DTNA: variants seen among roughly 807,000 people sequenced by gnomAD.
The protein encoded by DTNA is dystrobrevin alpha, also known as dystrophin-related protein 3.
DTNA carries 43 observed loss-of-function variants against 100.7 expected under a neutral mutation model. The ratio of observed to expected loss-of-function variants is 0.43; its 90% CI spans 0.33 to 0.55. DTNA has a LOEUF of 0.55. Among genes scored for constraint, DTNA ranks in the 20% least tolerant of loss-of-function variants. The probability of loss-of-function intolerance (pLI) is 0.04; values close to 1 mark genes in which losing one functional copy is unlikely to be tolerated. For missense variants in DTNA, 798 were observed against 953.9 expected (o/e 0.84, Z 2.15); for synonymous variants, 349 against 347.9 (o/e 1.00, Z -0.04).
chr18:34,890,572 T>C lies in DTNA; in HGVS notation c.*2838T>C. The C allele has an allele frequency of 7.2e-7, 1 of 1,383,836 alleles. No homozygotes were observed. Among genetic ancestry groups the C allele is most frequent in the Non-Finnish European group, 9.7e-7 (1 of 1,030,168 alleles). The allele number at this position is 1,383,836 out of a possible 1,614,324, so 85.7% of individuals were successfully genotyped here. A position where few individuals can be genotyped will look rare whatever the true frequency, so the allele number is the denominator to read the frequency against. The stretch of plus-strand genomic sequence containing the variant: ...GAGCTGATAGCCTGTTAATAAGCAC[T>C]GGTCTAACACAGCCAACCCTCCTCC... On this transcript the variant is annotated 3_prime_UTR_variant, in exon 23 of 23. Transcript: ENST00000444659.
chr18:34,663,871 C>T (rs1200572280), intron 1 of DTNA, among the ~76,000 whole-genome samples: 3 of 152,074 alleles, frequency 2.0e-5, no homozygotes, highest in Non-Finnish European at 4.4e-5. Flanking sequence ...AAAAATAATA[C>T]GTAAACATTT....
intron 1 of DTNA, among the ~76,000 whole-genome samples, chr18:34,586,718 T>A (rs930572036): frequency 1.3e-5 from 2 of 152,206 alleles, no homozygotes; most frequent in African/African-American, 4.8e-5. Flanking sequence ...ATTTGTATAT[T>A]TTCATTTTGC....
rs894936172 is a variant in DTNA at position 34,536,354 on chromosome 18, T to C, written c.-2+42840T>C. Among the ~76,000 whole-genome samples, 3 of 152,114 alleles carry C rather than the reference T, an allele frequency of 2.0e-5. No individual in the cohort carries two copies. In the East Asian group the frequency reaches 5.8e-4, roughly 30 times the overall value. On this transcript the variant is annotated intron_variant, in intron 1 of 19. Coordinates refer to the DTNA transcript ENST00000283365. ...ATTTATCTGATACTATGAGCCTTTC[T>C]GCGAAATGGTTTTTCAAGTAAACTT...
chr18:34,712,481 A>C (rs887975177), intron 1 of DTNA, among the ~76,000 whole-genome samples: 31 of 152,254 alleles, frequency 2.0e-4, no homozygotes, highest in African/African-American at 7.5e-4. Context: ...CAAGTGTGTA[A>C]AAACCAAGAT....
At chr18:34,595,051 T>G (rs1451311328) in intron 1 of DTNA, among the ~76,000 whole-genome samples, 5 of 152,164 alleles carry the variant, frequency 3.3e-5, no homozygotes, top group African/African-American at 1.2e-4. Flanking sequence ...TTAACCCCTT[T>G]AGGTTGCAAG....
chr18:34,655,560 C>G (rs2074254592), intron 1 of DTNA, among the ~76,000 whole-genome samples: 1 of 152,266 alleles, frequency 6.6e-6, no homozygotes, highest in East Asian at 1.9e-4. Context: ...ACCCTTGTAT[C>G]TTTCAATTTA....
chr18:34,663,519 T>A (rs1193539991), intron 1 of DTNA, among the ~76,000 whole-genome samples: 1 of 152,142 alleles, frequency 6.6e-6, no homozygotes, highest in Non-Finnish European at 1.5e-5. Flanking sequence ...ACTTTTGAAA[T>A]ATGTTGAGGT....
intron 1 of DTNA, among the ~76,000 whole-genome samples, chr18:34,560,879 G>T (rs191474829): frequency 6.6e-6 from 1 of 152,226 alleles, no homozygotes; most frequent in East Asian, 1.9e-4. Context: ...CCGAGATCAT[G>T]CCACTGCACT....
At chr18:34,855,535 C>A (rs993900374) in intron 15 of DTNA, among the ~76,000 whole-genome samples, 1 of 152,202 alleles carries the variant, frequency 6.6e-6, no homozygotes, top group Non-Finnish European at 1.5e-5. Context: ...GATTTTCCAA[C>A]AACAACCTTC....
chr18:34,882,235 T>A (rs374023798), intron 21 of DTNA, 34 bp downstream of exon 21: 24 of 1,611,722 alleles, frequency 1.5e-5, no homozygotes, highest in Non-Finnish European at 1.7e-5. Context: ...ACCCCACCTC[T>A]TCTGCCTCAA....
chr18:34,764,390 C>T (rs776934410), intron 2 of DTNA, among the ~76,000 whole-genome samples: 3 of 152,152 alleles, frequency 2.0e-5, no homozygotes, highest in Admixed American at 2.0e-4. Flanking sequence ...AAGTAATAAT[C>T]TTCTCTATCA....
intron 15 of DTNA, among the ~76,000 whole-genome samples, chr18:34,857,018 C>T (rs917417561): frequency 6.6e-6 from 1 of 152,190 alleles, no homozygotes; most frequent in Non-Finnish European, 1.5e-5. Context: ...GAGGGCTCTG[C>T]AGGGGCACCT....
At chr18:34,531,362 G>A (rs1429373292) in intron 1 of DTNA, among the ~76,000 whole-genome samples, 3 of 152,068 alleles carry the variant, frequency 2.0e-5, no homozygotes, top group South Asian at 2.1e-4. Flanking sequence ...TCATAGATAC[G>A]TTCATAACTC....
At chr18:34,793,537 C>T (rs1169958154) in intron 3 of DTNA, among the ~76,000 whole-genome samples, 2 of 152,128 alleles carry the variant, frequency 1.3e-5, no homozygotes, top group Non-Finnish European at 2.9e-5. Flanking sequence ...TACTAAAAAA[C>T]ACATAAATAA....
intron 16 of DTNA, among the ~76,000 whole-genome samples, chr18:34,861,402 C>T (rs1367121355): frequency 7.3e-6 from 1 of 137,358 alleles, no homozygotes; most frequent in East Asian, 2.5e-4. Context: ...AGGAGAATGG[C>T]GTGAACCCGG....
At chr18:34,787,617 A>G (rs964684004) in intron 3 of DTNA, among the ~76,000 whole-genome samples, 9 of 152,144 alleles carry the variant, frequency 5.9e-5, no homozygotes, top group African/African-American at 2.2e-4. Context: ...TTTCCTACGG[A>G]TGCTTGGATT....
chr18:34,626,439 G>A (rs2057332193), intron 1 of DTNA, among the ~76,000 whole-genome samples: 1 of 151,136 alleles, frequency 6.6e-6, no homozygotes, highest in Admixed American at 6.6e-5. Flanking sequence ...TTCAGAAAGT[G>A]TCCTGAAGTT....
At chr18:34,836,597 A>C (rs2096151351) in intron 11 of DTNA, among the ~76,000 whole-genome samples, 1 of 151,118 alleles carries the variant, frequency 6.6e-6, no homozygotes, top group African/African-American at 2.4e-5. Context: ...GCAGTGAGCC[A>C]AGATCTCACC....
intron 1 of DTNA, among the ~76,000 whole-genome samples, chr18:34,581,450 G>T (rs1457227336): frequency 3.9e-5 from 6 of 151,996 alleles, no homozygotes; most frequent in Admixed American, 2.0e-4. Context: ...GGATTTCTTT[G>T]TGTCTTCAGC....
Sources: gnomAD v4.1 joint callset for allele counts (sites outside exome capture counted in the v4.1 genomes callset) on GRCh38, gnomAD v4.1.1 for gene constraint, MANE v1.5 for transcripts, NCBI Gene and HGNC (gene_info 2026-07-23, HGNC 2026-07-21) for gene names.